Variants in PLCXD3 observed in about 807,000 individuals in gnomAD.
PLCXD3 encodes PI-PLC X domain-containing protein 3.
In PLCXD3, 19 loss-of-function variants were observed where a neutral mutation model predicts 25.5. The ratio of observed to expected loss-of-function variants is 0.75; its 90% CI spans 0.52 to 1.09. The LOEUF is 1.09. Ranked by LOEUF, PLCXD3 falls within the 50% of genes least tolerant of loss-of-function variation. The pLI is 0.00. For missense variants in PLCXD3, 411 were observed against 388.1 expected (o/e 1.06, Z -0.50); for synonymous variants, 174 against 137.6 (o/e 1.26, Z -1.85).
chr5:41,376,176 G>T (rs1247349864), intron 2 of PLCXD3, among the ~76,000 whole-genome samples: 2 of 152,088 alleles, frequency 1.3e-5, no homozygotes, highest in Non-Finnish European at 2.9e-5. Flanking sequence ...GGCCAGGGCT[G>T]CCCATCATCC....
At position 41,507,301 on chromosome 5, in the gene PLCXD3, G is replaced by A. The variant is rs180834825; in HGVS notation, c.103+3123C>T. On this transcript the variant is annotated intron_variant, in intron 1 of 2. Transcript: ENST00000377801. Reference sequence around the variant, plus strand: ...ATGCCAGTATTCAACAAATATGCACGAATTAAAACTTAAGTTTAGGGCCAT... The same window carrying A: ...ATGCCAGTATTCAACAAATATGCACAAATTAAAACTTAAGTTTAGGGCCAT... Among the ~76,000 whole-genome samples the A allele has an allele frequency of 1.5e-3, 222 of 152,170 alleles. 1 individual carries two copies. In the Middle Eastern group the frequency reaches 0.02, roughly 14 times the overall value.
chr5:41,452,385 A>C (rs1166996794), intron 1 of PLCXD3, among the ~76,000 whole-genome samples: 1 of 152,042 alleles, frequency 6.6e-6, no homozygotes, highest in East Asian at 1.9e-4. Flanking sequence ...GAATGTTTGA[A>C]GTGATCTAAA....
At chr5:41,403,299 T>C (rs1207647549) in intron 1 of PLCXD3, among the ~76,000 whole-genome samples, 1 of 150,106 alleles carries the variant, frequency 6.7e-6, no homozygotes, top group African/African-American at 2.4e-5. Context: ...TTTTTCTATT[T>C]AAAGGCTTTT....
intron 1 of PLCXD3, among the ~76,000 whole-genome samples, chr5:41,454,002 T>G (rs868061416): frequency 6.6e-6 from 1 of 151,968 alleles, no homozygotes; most frequent in Non-Finnish European, 1.5e-5. Context: ...ATACCTTTTT[T>G]TGGCATGGAT....
intron 2 of PLCXD3, among the ~76,000 whole-genome samples, chr5:41,367,982 CT>C (rs770069520): frequency 6.6e-5 from 10 of 152,008 alleles, no homozygotes; most frequent in Non-Finnish European, 1.5e-4. Context: ...GTTCTCTATT[CT>C]GTTCCATTTT....
intron 2 of PLCXD3, among the ~76,000 whole-genome samples, chr5:41,318,688 G>A (rs1030597178): frequency 2.6e-5 from 4 of 152,044 alleles, no homozygotes; most frequent in Admixed American, 2.6e-4. Context: ...AAAAGGAAGA[G>A]AAGACCACAA....
chr5:41,488,706 T>C (rs1748578543), intron 1 of PLCXD3, among the ~76,000 whole-genome samples: 2 of 147,354 alleles, frequency 1.4e-5, no homozygotes, highest in South Asian at 4.5e-4. Context: ...TTCATGTGGT[T>C]TTTGGCTGCA....
At chr5:41,479,622 C>T (rs1346043699) in intron 1 of PLCXD3, among the ~76,000 whole-genome samples, 2 of 151,952 alleles carry the variant, frequency 1.3e-5, no homozygotes, top group Non-Finnish European at 2.9e-5. Context: ...TTCAAAATAT[C>T]TCTTTGTGAT....
At chr5:41,429,978 G>A (rs1415974384) in intron 1 of PLCXD3, among the ~76,000 whole-genome samples, 1 of 152,096 alleles carries the variant, frequency 6.6e-6, no homozygotes, top group African/African-American at 2.4e-5. Context: ...GCAGAGCAAA[G>A]CAAATGCCAA....
intron 1 of PLCXD3, among the ~76,000 whole-genome samples, chr5:41,418,547 A>C (rs1746745082): frequency 6.6e-6 from 1 of 152,214 alleles, no homozygotes; most frequent in Non-Finnish European, 1.5e-5. Flanking sequence ...ACTTTATTTA[A>C]TATTTAACAT....
At chr5:41,365,734 C>A (rs223080) in intron 2 of PLCXD3, among the ~76,000 whole-genome samples, 1 of 152,102 alleles carries the variant, frequency 6.6e-6, no homozygotes. Flanking sequence ...TAGTATCAAG[C>A]GGATTATATT....
chr5:41,491,651 G>A (rs1748674407), intron 1 of PLCXD3, among the ~76,000 whole-genome samples: 1 of 152,030 alleles, frequency 6.6e-6, no homozygotes, highest in African/African-American at 2.4e-5. Flanking sequence ...AGGATAGTTA[G>A]CTCTTCTTGT....
intron 1 of PLCXD3, among the ~76,000 whole-genome samples, chr5:41,408,560 T>A (rs1393262180): frequency 2.0e-5 from 3 of 152,072 alleles, no homozygotes; most frequent in Non-Finnish European, 2.9e-5. Context: ...TGAACTAAAC[T>A]TTTTTTTAAA....
intron 2 of PLCXD3, among the ~76,000 whole-genome samples, chr5:41,337,695 GT>G (rs1053106109): frequency 6.6e-6 from 1 of 152,058 alleles, no homozygotes; most frequent in Non-Finnish European, 1.5e-5. Context: ...TGATTTCTTT[GT>G]TTTTTTCCCC....
chr5:41,468,009 C>CTT (rs145732089), intron 1 of PLCXD3, among the ~76,000 whole-genome samples: 11 of 52,430 alleles, frequency 2.1e-4, no homozygotes, highest in Admixed American at 9.2e-4. Flanking sequence ...CAGCTTTATT[C>CTT]TTTTTTTTTT....
intron 1 of PLCXD3, among the ~76,000 whole-genome samples, chr5:41,440,227 T>A (rs1747352432): frequency 1.0e-5 from 1 of 96,318 alleles, no homozygotes; most frequent in Non-Finnish European, 2.3e-5. Context: ...TTTTTTTTTT[T>A]TTTTTTTTTT....
At chr5:41,383,547 A>G (rs1001794707) in intron 1 of PLCXD3, among the ~76,000 whole-genome samples, 3 of 152,098 alleles carry the variant, frequency 2.0e-5, no homozygotes, top group African/African-American at 7.2e-5. Flanking sequence ...CCCACTGAAG[A>G]GCTAAAATTA....
intron 1 of PLCXD3, among the ~76,000 whole-genome samples, chr5:41,402,829 C>T (rs1302745794): frequency 6.6e-6 from 1 of 151,798 alleles, no homozygotes; most frequent in African/African-American, 2.4e-5. Context: ...TAGCCCTTGT[C>T]CTGGATATTA....
chr5:41,361,239 C>T (rs1190082677), intron 2 of PLCXD3, among the ~76,000 whole-genome samples: 6 of 152,160 alleles, frequency 3.9e-5, no homozygotes, highest in African/African-American at 1.4e-4. Context: ...GTCCTAAAGG[C>T]TAGTCTCACT....
Sources: allele counts gnomAD v4.1 joint callset (sites outside exome capture counted in the v4.1 genomes callset), GRCh38; gene constraint gnomAD v4.1.1; transcripts MANE v1.5; gene names NCBI Gene and HGNC (gene_info 2026-07-23, HGNC 2026-07-21).